Variants in SERINC5 observed in about 807,000 individuals in gnomAD.
SERINC5 encodes serine incorporator 5.
In SERINC5, 41 loss-of-function variants were observed where a neutral mutation model predicts 63.1. The ratio of observed to expected loss-of-function variants is 0.65; its 90% CI spans 0.51 to 0.84. SERINC5 has a LOEUF of 0.84. Among genes scored for constraint, SERINC5 ranks in the 40% least tolerant of loss-of-function variants. The probability of loss-of-function intolerance (pLI) is 0.00; values close to 1 mark genes in which losing one functional copy is unlikely to be tolerated. For synonymous variants in SERINC5, 222 were observed against 215.2 expected (o/e 1.03, Z -0.28); for missense variants, 523 against 573.0 (o/e 0.91, Z 0.89).
At chr5:80,136,063 C>A (rs544842608), downstream of SERINC5, among the ~76,000 whole-genome samples, 2 of 152,118 alleles carry the variant, frequency 1.3e-5, no homozygotes, top group South Asian at 4.2e-4. Flanking sequence ...CTGAACTGTA[C>A]ACCTAAAAAT....
chr5:80,158,640 C>T lies in SERINC5; in HGVS notation c.986+196G>A, dbSNP rs898403181. On this transcript the variant is annotated intron_variant, in intron 8 of 11. Coordinates refer to ENST00000507668, the MANE Select transcript of SERINC5 (RefSeq NM_001174072.3). ...CAAATATTTACATACCATATATTTGCTTTATTTACCCCAAATAAAAACAAG... is the reference window on the plus strand; with the variant it reads ...CAAATATTTACATACCATATATTTGTTTTATTTACCCCAAATAAAAACAAG... 47 of 538,652 alleles carry T rather than the reference C, an allele frequency of 8.7e-5. No homozygotes were observed. In the East Asian group the frequency reaches 1.4e-3, roughly 16 times the overall value. The allele number at this position is 538,652 out of a possible 1,614,324, so 33.4% of individuals were successfully genotyped here. A position where few individuals can be genotyped will look rare whatever the true frequency, so the allele number is the denominator to read the frequency against.
chr5:80,125,756 G>A (rs1744723771), intron 11 of SERINC5, among the ~76,000 whole-genome samples: 1 of 152,210 alleles, frequency 6.6e-6, no homozygotes, highest in Non-Finnish European at 1.5e-5. Flanking sequence ...TACGAGAGCA[G>A]CTTTGGATAC....
intron 11 of SERINC5, among the ~76,000 whole-genome samples, chr5:80,118,036 C>G (rs1276655899): frequency 2.6e-5 from 4 of 152,090 alleles, no homozygotes; most frequent in Non-Finnish European, 4.4e-5. Context: ...AACCCCATCT[C>G]TACTAAAAAT....
intron 1 of SERINC5, among the ~76,000 whole-genome samples, chr5:80,228,609 C>G (rs1281963774): frequency 6.6e-6 from 1 of 152,108 alleles, no homozygotes; most frequent in African/African-American, 2.4e-5. Context: ...GCACATGCCA[C>G]CATGCCCTGC....
downstream of SERINC5, among the ~76,000 whole-genome samples, chr5:80,134,747 T>C (rs529764772): frequency 6.6e-6 from 1 of 152,174 alleles, no homozygotes; most frequent in Admixed American, 6.5e-5. Context: ...CCCAGAAAGA[T>C]GTAAGGAATT....
chr5:80,211,699 T>C (rs889806267), intron 1 of SERINC5, among the ~76,000 whole-genome samples: 22 of 152,314 alleles, frequency 1.4e-4, no homozygotes, highest in African/African-American at 4.8e-4. Context: ...GAAAGCCTGA[T>C]TTTTCTTTAG....
chr5:80,204,944 G>T (rs1167259346), intron 1 of SERINC5, among the ~76,000 whole-genome samples: 1 of 152,186 alleles, frequency 6.6e-6, no homozygotes, highest in African/African-American at 2.4e-5. Flanking sequence ...TGATTAGCAG[G>T]CTCCCAGGGA....
At position 80,240,603 on chromosome 5, in the gene SERINC5, T is replaced by C. The variant is rs142252490; in HGVS notation, c.27+15293A>G. Among the ~76,000 whole-genome samples, 9 of 152,296 alleles carry C rather than the reference T, an allele frequency of 5.9e-5. No homozygotes were observed. The East Asian group carries it at 1.5e-3, about 26-fold the overall frequency. On this transcript the variant is annotated intron_variant, in intron 1 of 11. Coordinates refer to ENST00000507668, the MANE Select transcript of SERINC5 (RefSeq NM_001174072.3). ...CTATTTCCAGGGCTCTAGTGTAGAG[T>C]ATTTACATTCATTCTTAAAAATTAC...
At chr5:80,200,557 C>T (rs1749773073) in intron 2 of SERINC5, among the ~76,000 whole-genome samples, 1 of 152,016 alleles carries the variant, frequency 6.6e-6, no homozygotes. Flanking sequence ...CTCCATTTCT[C>T]GCAAGTGTGA....
chr5:80,153,421 T>C (rs1331740568), intron 8 of SERINC5, among the ~76,000 whole-genome samples: 1 of 152,094 alleles, frequency 6.6e-6, no homozygotes, highest in African/African-American at 2.4e-5. Flanking sequence ...AAGATCTTTA[T>C]TCAGTTGTAG....
rs564378640 is a variant in SERINC5 at position 80,146,257 on chromosome 5, A to T, written c.1094-23T>A. The T allele has an allele frequency of 1.2e-5, 19 of 1,613,292 alleles. No homozygotes were observed. In the South Asian group the frequency reaches 1.9e-4, roughly 16 times the overall value. ...TGTCTGTGAAGCACAGAGGGAGCCC[A>T]GGCTCAATGAGTGAATGTGTGTGTT... On this transcript the variant is annotated intron_variant, in intron 10 of 11. Coordinates refer to ENST00000507668, the MANE Select transcript of SERINC5 (RefSeq NM_001174072.3).
At chr5:80,155,956 A>G (rs998693065) in intron 8 of SERINC5, among the ~76,000 whole-genome samples, 1 of 151,974 alleles carries the variant, frequency 6.6e-6, no homozygotes, top group Non-Finnish European at 1.5e-5. Context: ...ACAAACATTA[A>G]AACATACTCC....
Position 80,182,554 on chromosome 5 carries a change from CCT to C in SERINC5, c.196-4492_196-4491del, listed in dbSNP as rs1554065203. ...TTCTATCATCTGACCGCCCCCCCCC[CCT>C]CCGCTTTTTTTTAATTGAGACCTCT... On this transcript the variant is annotated intron_variant, in intron 2 of 11. Coordinates refer to ENST00000507668, the MANE Select transcript of SERINC5 (RefSeq NM_001174072.3). Among the ~76,000 whole-genome samples, 322 of 48,356 alleles carry C rather than the reference CCT, an allele frequency of 6.7e-3. 38 individuals carry two copies. The East Asian group carries it at 0.07, about 11-fold the overall frequency. 31.7% of individuals were successfully genotyped at this position (48,356 alleles called of 152,430 possible).
chr5:80,191,362 G>A (rs1271535817), intron 2 of SERINC5, among the ~76,000 whole-genome samples: 2 of 151,586 alleles, frequency 1.3e-5, no homozygotes, highest in African/African-American at 4.8e-5. Context: ...TGACTGGCTG[G>A]GCACAGTGGC....
rs1259568722 is a variant in SERINC5 at position 80,141,370 on chromosome 5, TC to T, written c.*2292del. 95 of 985,404 alleles carry T rather than the reference TC, an allele frequency of 9.6e-5. No individual in the cohort carries two copies. Among genetic ancestry groups the T allele is most frequent in the African/African-American group, 1.7e-5 (1 of 57,336 alleles). The allele number at this position is 985,404 out of a possible 1,614,324, so 61.0% of individuals were successfully genotyped here. A position where few individuals can be genotyped will look rare whatever the true frequency, so the allele number is the denominator to read the frequency against. The stretch of plus-strand genomic sequence containing the variant: ...CCGGCCACACTCCCTTGCTTGGGCT[TC>T]CCTAAGCTGCTTTCTGCAGAGGAAA... On this transcript the variant is annotated 3_prime_UTR_variant, in exon 12 of 12. Coordinates refer to ENST00000507668, the MANE Select transcript of SERINC5 (RefSeq NM_001174072.3).
At chr5:80,162,397 G>A (rs182319219) in intron 7 of SERINC5, among the ~76,000 whole-genome samples, 158 of 152,062 alleles carry the variant, frequency 1.0e-3, no homozygotes, top group Admixed American at 8.8e-3. Context: ...TTTTTGAGAC[G>A]TGGTCTTGCT....
chr5:80,145,834 AC>A (rs1745784681), intron 11 of SERINC5, among the ~76,000 whole-genome samples: 1 of 152,144 alleles, frequency 6.6e-6, no homozygotes, highest in Non-Finnish European at 1.5e-5. Flanking sequence ...ACATGGCAAA[AC>A]CCCGTCTCAA....
chr5:80,184,856 C>A (rs996179315), intron 2 of SERINC5, among the ~76,000 whole-genome samples: 1 of 152,090 alleles, frequency 6.6e-6, no homozygotes, highest in African/African-American at 2.4e-5. Context: ...GGACAGGGCA[C>A]TTAAGCCAGG....
At chr5:80,159,343 A>G (rs1482060540) in intron 7 of SERINC5, among the ~76,000 whole-genome samples, 1 of 152,158 alleles carries the variant, frequency 6.6e-6, no homozygotes, top group Non-Finnish European at 1.5e-5. Context: ...ACAGCCAACA[A>G]TAGCTCCTAA....
Sources: allele counts gnomAD v4.1 joint callset (sites outside exome capture counted in the v4.1 genomes callset), GRCh38; gene constraint gnomAD v4.1.1; transcripts MANE v1.5; gene names NCBI Gene and HGNC (gene_info 2026-07-23, HGNC 2026-07-21).